The following EPHA6 variants were observed in gnomAD, a reference collection of about 807,000 sequenced individuals.
EPHA6 encodes EPH receptor A6.
A neutral mutation model predicts 112.0 loss-of-function variants in EPHA6; 50 were observed. The observed-to-expected ratio is 0.45, with a 90% CI of 0.36 to 0.56. EPHA6 has a LOEUF of 0.56. Ranked by LOEUF, EPHA6 falls within the 20% of genes least tolerant of loss-of-function variation. The pLI is 0.00. For missense variants in EPHA6, 1,280 were observed against 1,417.4 expected, an observed-to-expected ratio of 0.90 and a Z score of 1.56; for synonymous variants, 529 against 490.7, an observed-to-expected ratio of 1.08 and a Z score of -1.03.
chr3:97,314,720 A>T (rs1576926974), intron 5 of EPHA6, among the ~76,000 whole-genome samples: 1 of 151,748 alleles, frequency 6.6e-6, no homozygotes, highest in African/African-American at 2.4e-5. Context: ...TCAAGTAGAC[A>T]TTAGGGAAGC....
intron 5 of EPHA6, among the ~76,000 whole-genome samples, chr3:97,385,242 C>A (rs2085990866): frequency 6.6e-6 from 1 of 152,108 alleles, no homozygotes; most frequent in African/African-American, 2.4e-5. Context: ...ATTCAAGGGT[C>A]TTATTTAAGT....
intron 3 of EPHA6, among the ~76,000 whole-genome samples, chr3:97,139,857 G>A (rs532049980): frequency 6.6e-6 from 1 of 152,168 alleles, no homozygotes; most frequent in South Asian, 2.1e-4. Flanking sequence ...AAATGACAAC[G>A]AATTCCAAAT....
chr3:97,466,384 C>G, intron 7 of EPHA6: 1 of 1,608,828 alleles, frequency 6.2e-7, no homozygotes, highest in Non-Finnish European at 8.5e-7. Context: ...TACATCCAGT[C>G]TAATTATTTT....
In EPHA6 at chr3:97,752,116, A is replaced by T. The variant is rs922493118; in HGVS notation, c.*3415A>T. 48 of 224,312 alleles carry T rather than the reference A, an allele frequency of 2.1e-4. No individual in the cohort carries two copies. Among genetic ancestry groups the T allele is most frequent in the African/African-American group, 1.0e-3 (46 of 45,042 alleles). The allele number at this position is 224,312 out of a possible 1,614,324, so 13.9% of individuals were successfully genotyped here. A position where few individuals can be genotyped will look rare whatever the true frequency, so the allele number is the denominator to read the frequency against. On this transcript the variant is annotated 3_prime_UTR_variant, in exon 18 of 18. Coordinates refer to ENST00000389672, the MANE Select transcript of EPHA6 (RefSeq NM_001080448.3). Reference sequence around the variant, plus strand: ...AATGTTCTACATTCCATATCAAAATAAGACATCTTATTTCACTCTGCATTG... The same window carrying T: ...AATGTTCTACATTCCATATCAAAATTAGACATCTTATTTCACTCTGCATTG...
At chr3:97,099,594 G>A (rs1015886180) in intron 3 of EPHA6, among the ~76,000 whole-genome samples, 29 of 151,612 alleles carry the variant, frequency 1.9e-4, no homozygotes, top group African/African-American at 5.3e-4. Context: ...ATATCTTATC[G>A]CCGAGTGGGA....
chr3:97,124,469 A>AAAGAAAGAAAGAAAG (rs2048127427), intron 3 of EPHA6, among the ~76,000 whole-genome samples: 2 of 149,856 alleles, frequency 1.3e-5, no homozygotes, highest in African/African-American at 4.9e-5. Context: ...TCTGTTTAAA[A>AAAGAAAGAAAGAAAG]AAAGAAAGAA....
intron 12 of EPHA6, among the ~76,000 whole-genome samples, chr3:97,604,512 C>T (rs1004616023): frequency 6.6e-6 from 1 of 151,542 alleles, no homozygotes; most frequent in African/African-American, 2.4e-5. Flanking sequence ...TTTTTTAAAA[C>T]TTTTTGTGAC....
intron 3 of EPHA6, among the ~76,000 whole-genome samples, chr3:96,988,749 T>G (rs960595505): frequency 1.3e-5 from 2 of 152,128 alleles, no homozygotes; most frequent in African/African-American, 4.8e-5. Flanking sequence ...AATAGTAGTA[T>G]TTATGTGACA....
At chr3:96,997,636 A>G (rs1196965911) in intron 3 of EPHA6, among the ~76,000 whole-genome samples, 2 of 152,020 alleles carry the variant, frequency 1.3e-5, no homozygotes, top group African/African-American at 2.4e-5. Context: ...CACCCCCAAA[A>G]TAGGGTAGGG....
intron 3 of EPHA6, among the ~76,000 whole-genome samples, chr3:97,161,515 T>G (rs1380578092): frequency 1.3e-5 from 2 of 152,158 alleles, no homozygotes; most frequent in Non-Finnish European, 2.9e-5. Context: ...CCACTCAAAA[T>G]TAGTGTTTTT....
intron 11 of EPHA6, among the ~76,000 whole-genome samples, chr3:97,537,416 C>T (rs2092779432): frequency 6.6e-6 from 1 of 152,094 alleles, no homozygotes; most frequent in South Asian, 2.1e-4. Context: ...GCTCAGTGCT[C>T]TTGAGAAGCC....
intron 1 of EPHA6, among the ~76,000 whole-genome samples, chr3:96,817,823 T>C (rs2032921182): frequency 6.6e-6 from 1 of 151,768 alleles, no homozygotes; most frequent in African/African-American, 2.4e-5. Context: ...GACAAAAAAG[T>C]AAACTACCTC....
intron 5 of EPHA6, among the ~76,000 whole-genome samples, chr3:97,393,276 CAT>C (rs1178471150): frequency 1.3e-5 from 2 of 151,712 alleles, no homozygotes; most frequent in East Asian, 3.9e-4. Context: ...TTTTTTCCCT[CAT>C]ATTTCAAAGA....
chr3:97,024,653 G>T (rs1576342866), intron 3 of EPHA6, among the ~76,000 whole-genome samples: 1 of 152,044 alleles, frequency 6.6e-6, no homozygotes, highest in East Asian at 1.9e-4. Context: ...TGTTTACATG[G>T]TTTTTTTAAC....
chr3:97,342,954 A>G (rs2083382960), intron 5 of EPHA6, among the ~76,000 whole-genome samples: 1 of 152,192 alleles, frequency 6.6e-6, no homozygotes, highest in South Asian at 2.1e-4. Flanking sequence ...GTGGAGAAAT[A>G]GTGTAATAAA....
chr3:97,691,805 C>T (rs1283203276), intron 14 of EPHA6, among the ~76,000 whole-genome samples: 1 of 152,138 alleles, frequency 6.6e-6, no homozygotes, highest in Non-Finnish European at 1.5e-5. Flanking sequence ...AGAGCATAAA[C>T]CACATGACAT....
intron 13 of EPHA6, among the ~76,000 whole-genome samples, chr3:97,634,352 A>T (rs1269064002): frequency 6.6e-6 from 1 of 152,110 alleles, no homozygotes; most frequent in Non-Finnish European, 1.5e-5. Context: ...TCCCAAAAGC[A>T]TATAGAACTA....
chr3:97,264,185 C>T (rs759340686), intron 5 of EPHA6, among the ~76,000 whole-genome samples: 14 of 152,224 alleles, frequency 9.2e-5, no homozygotes, highest in Non-Finnish European at 1.6e-4. Flanking sequence ...TTTGCTCAGG[C>T]CCACTAGGCT....
At chr3:97,314,148 G>A (rs1357589932) in intron 5 of EPHA6, among the ~76,000 whole-genome samples, 3 of 151,554 alleles carry the variant, frequency 2.0e-5, no homozygotes, top group Non-Finnish European at 4.4e-5. Context: ...TTTCTCCATT[G>A]TGTATTCTTG....
Sources: gnomAD v4.1 joint callset for allele counts (sites outside exome capture counted in the v4.1 genomes callset) on GRCh38, gnomAD v4.1.1 for gene constraint, MANE v1.5 for transcripts, NCBI Gene and HGNC (gene_info 2026-07-23, HGNC 2026-07-21) for gene names.